Variants in MDGA2 observed in about 807,000 individuals in gnomAD.
The protein encoded by MDGA2 is MAM domain containing glycosylphosphatidylinositol anchor 2.
A neutral mutation model predicts 117.8 loss-of-function variants in MDGA2; 40 were observed. The ratio of observed to expected loss-of-function variants is 0.34; its 90% confidence interval spans 0.26 to 0.44. The LOEUF is 0.44. Ranked by LOEUF, MDGA2 falls within the 20% of genes least tolerant of loss-of-function variation. The pLI, the probability that MDGA2 is intolerant of heterozygous loss-of-function variation, is 1.00. For synonymous variants in MDGA2, 452 were observed against 439.0 expected, an observed-to-expected ratio of 1.03 and a Z score of -0.37; for missense variants, 1,123 against 1,250.6, an observed-to-expected ratio of 0.90 and a Z score of 1.54.
intron 1 of MDGA2, among the ~76,000 whole-genome samples, chr14:47,405,863 T>C (rs1424415105): frequency 2.6e-5 from 4 of 152,190 alleles, no homozygotes; most frequent in African/African-American, 4.8e-5. Flanking sequence ...ACATTATTTA[T>C]GTTCATGCGT....
At chr14:46,906,546 G>A (rs994994077) in intron 10 of MDGA2, among the ~76,000 whole-genome samples, 2 of 152,026 alleles carry the variant, frequency 1.3e-5, no homozygotes, top group South Asian at 2.1e-4. Context: ...AGATGATTAT[G>A]CACAAGTTCT....
chr14:47,320,466 C>A (rs1828875910), intron 1 of MDGA2, among the ~76,000 whole-genome samples: 1 of 152,082 alleles, frequency 6.6e-6, no homozygotes, highest in South Asian at 2.1e-4. Context: ...AGTTACCAAA[C>A]CTGTAGGTGA....
At chr14:47,599,596 G>T (rs1326650758) in intron 1 of MDGA2, among the ~76,000 whole-genome samples, 2 of 152,094 alleles carry the variant, frequency 1.3e-5, no homozygotes, top group Non-Finnish European at 2.9e-5. Context: ...TTCCCCCTTT[G>T]ACAACATTTC....
At position 47,155,821 on chromosome 14, in the gene MDGA2, C is replaced by T. The variant is rs188918243; in HGVS notation, c.596-11547G>A. Among the ~76,000 whole-genome samples, 52 of 151,490 alleles carry T rather than the reference C, an allele frequency of 3.4e-4. No homozygotes were observed. In the East Asian group the frequency reaches 9.2e-3, roughly 27 times the overall value. On this transcript the variant is annotated intron_variant, in intron 3 of 16. Transcript: ENST00000399232. ...GAGGTTTCTGGCTGGCAAAGCGACA[C>T]CCCAAGGGTCTTGCGACATTTTTTA...
At chr14:47,404,431 C>T (rs1377224652) in intron 1 of MDGA2, among the ~76,000 whole-genome samples, 1 of 151,948 alleles carries the variant, frequency 6.6e-6, no homozygotes, top group East Asian at 1.9e-4. Flanking sequence ...AGTGATCCGC[C>T]TGCCTTGGGC....
At chr14:47,623,464 T>A (rs567689509) in intron 1 of MDGA2, among the ~76,000 whole-genome samples, 1 of 152,294 alleles carries the variant, frequency 6.6e-6, no homozygotes, top group African/African-American at 2.4e-5. Flanking sequence ...TTAGGTCACA[T>A]ACAATATCTA....
At chr14:47,604,277 C>G (rs181393980) in intron 1 of MDGA2, among the ~76,000 whole-genome samples, 1 of 152,062 alleles carries the variant, frequency 6.6e-6, no homozygotes, top group African/African-American at 2.4e-5. Context: ...TCTCTCCCCT[C>G]CACCACTCTC....
intron 8 of MDGA2, among the ~76,000 whole-genome samples, chr14:47,027,142 C>A (rs935223811): frequency 1.3e-5 from 2 of 151,184 alleles, no homozygotes; most frequent in Admixed American, 6.6e-5. Context: ...CCAGCCTGGG[C>A]AACACAGAGA....
At chr14:47,371,184 T>C (rs1270775477) in intron 1 of MDGA2, among the ~76,000 whole-genome samples, 1 of 151,804 alleles carries the variant, frequency 6.6e-6, no homozygotes, top group African/African-American at 2.4e-5. Flanking sequence ...TGCGATTTTG[T>C]TATAGGAAGT....
chr14:47,069,699 T>C (rs148722212), intron 6 of MDGA2, among the ~76,000 whole-genome samples: 28 of 152,304 alleles, frequency 1.8e-4, no homozygotes, highest in African/African-American at 4.8e-4. Flanking sequence ...TGTTAGAACA[T>C]GAGATAGTTG....
At chr14:46,867,537 T>C (rs1483564378) in intron 14 of MDGA2, among the ~76,000 whole-genome samples, 2 of 152,056 alleles carry the variant, frequency 1.3e-5, no homozygotes, top group African/African-American at 4.8e-5. Flanking sequence ...AAACTTAAAG[T>C]ATAATAATAA....
At chr14:47,111,961 G>A (rs898141137) in intron 5 of MDGA2, among the ~76,000 whole-genome samples, 3 of 152,146 alleles carry the variant, frequency 2.0e-5, no homozygotes, top group African/African-American at 7.2e-5. Context: ...CTCCAAGGAA[G>A]AGCCTGACAA....
chr14:46,970,095 A>C (rs1053450717), intron 8 of MDGA2, among the ~76,000 whole-genome samples: 1 of 151,616 alleles, frequency 6.6e-6, no homozygotes, highest in African/African-American at 2.4e-5. Flanking sequence ...GAATAAGAAG[A>C]ATTGATGTCA....
At chr14:46,865,813 A>T (rs921013808) in intron 14 of MDGA2, among the ~76,000 whole-genome samples, 12 of 152,126 alleles carry the variant, frequency 7.9e-5, no homozygotes, top group East Asian at 3.9e-4. Flanking sequence ...AGAATAAAAT[A>T]CCTAGCAATC....
intron 9 of MDGA2, among the ~76,000 whole-genome samples, chr14:46,934,825 G>C (rs531273042): frequency 2.0e-4 from 30 of 152,116 alleles, no homozygotes; most frequent in African/African-American, 7.0e-4. Context: ...ATTAATACAC[G>C]GTGTATGTCA....
intron 8 of MDGA2, among the ~76,000 whole-genome samples, chr14:47,000,386 TATATTTATATATAA>T (rs1160416966): frequency 4.6e-4 from 24 of 52,710 alleles, no homozygotes; most frequent in South Asian, 1.3e-3. Flanking sequence ...TTTATATATA[TATATTTATATATAA>T]ATATATATTT....
chr14:47,399,738 C>T (rs1193771346), intron 1 of MDGA2, among the ~76,000 whole-genome samples: 1 of 146,328 alleles, frequency 6.8e-6, no homozygotes, highest in Non-Finnish European at 1.5e-5. Context: ...AAAAAAATCA[C>T]GAAACAAATC....
chr14:47,549,628 A>C (rs1895541872), intron 1 of MDGA2, among the ~76,000 whole-genome samples: 1 of 152,176 alleles, frequency 6.6e-6, no homozygotes, highest in Non-Finnish European at 1.5e-5. Flanking sequence ...CCTAATATTC[A>C]ATGTGACTGT....
chr14:47,671,568 CT>C (rs1425102902), intron 1 of MDGA2, among the ~76,000 whole-genome samples: 1 of 152,158 alleles, frequency 6.6e-6, no homozygotes, highest in Non-Finnish European at 1.5e-5. Context: ...TGTGTTTCCT[CT>C]TGAACCATGA....
Sources: allele counts gnomAD v4.1 joint callset (sites outside exome capture counted in the v4.1 genomes callset), GRCh38; gene constraint gnomAD v4.1.1; transcripts MANE v1.5; gene names NCBI Gene and HGNC (gene_info 2026-07-23, HGNC 2026-07-21).